Variants in GPR176 observed in about 807,000 individuals in gnomAD.
GPR176 encodes the protein G-protein coupled receptor 176.
Under a neutral mutation model 35.4 loss-of-function variants are expected in GPR176, and 26 were observed. The ratio of observed to expected loss-of-function variants is 0.74; its 90% CI spans 0.54 to 1.02. GPR176 has a LOEUF of 1.02. Among genes scored for constraint, GPR176 ranks in the 50% least tolerant of loss-of-function variants. The pLI, the probability that GPR176 is intolerant of heterozygous loss-of-function variation, is 0.00. For missense variants in GPR176, 597 were observed against 665.3 expected (o/e 0.90, Z 1.13); for synonymous variants, 278 against 271.3 (o/e 1.02, Z -0.24).
intron 1 of GPR176, among the ~76,000 whole-genome samples, chr15:39,816,313 C>T (rs1227557596): frequency 1.3e-5 from 2 of 151,988 alleles, no homozygotes; most frequent in Non-Finnish European, 2.9e-5. Context: ...CGAGATAATG[C>T]ACATGTCAAT....
rs866470766 is a variant in GPR176 at position 39,893,310 on chromosome 15, C to T, written c.172+26545G>A. On this transcript the variant is annotated intron_variant, in intron 1 of 2. Coordinates refer to ENST00000561100, the MANE Select transcript of GPR176 (RefSeq NM_007223.3). The stretch of plus-strand genomic sequence containing the variant: ...ATTAGGGAGTGGTGATGACTCTTAA[C>T]GAGCATGCTGCCTTCAAGCATCTGT... Among the ~76,000 whole-genome samples, 13 of 151,986 alleles carry T rather than the reference C, an allele frequency of 8.6e-5. No individual in the cohort carries two copies. In the South Asian group the frequency reaches 1.3e-3, roughly 15 times the overall value.
At chr15:39,842,104 C>A in intron 1 of GPR176, among the ~76,000 whole-genome samples, 1 of 152,046 alleles carries the variant, frequency 6.6e-6, no homozygotes, top group South Asian at 2.1e-4. Flanking sequence ...TTTATTAGTC[C>A]ATTCTCACAT....
At chr15:39,899,591 A>T (rs1286234780) in intron 1 of GPR176, among the ~76,000 whole-genome samples, 4 of 152,368 alleles carry the variant, frequency 2.6e-5, no homozygotes, top group Middle Eastern at 6.8e-3. Flanking sequence ...AGCAAAATGC[A>T]TATTGGTCAA....
chr15:39,890,309 A>C (rs1029000263), intron 1 of GPR176, among the ~76,000 whole-genome samples: 1 of 152,228 alleles, frequency 6.6e-6, no homozygotes, highest in African/African-American at 2.4e-5. Flanking sequence ...CTAATTTTCT[A>C]ATTCGGGTTT....
At chr15:39,835,276 C>T (rs781122692) in intron 1 of GPR176, among the ~76,000 whole-genome samples, 24 of 152,194 alleles carry the variant, frequency 1.6e-4, no homozygotes, top group Middle Eastern at 3.4e-3. Flanking sequence ...GGCTCGGCCT[C>T]CCAAGGTTCT....
intron 1 of GPR176, among the ~76,000 whole-genome samples, chr15:39,915,539 G>A (rs577957585): frequency 1.4e-4 from 21 of 152,176 alleles, no homozygotes; most frequent in Admixed American, 2.0e-4. Flanking sequence ...TACATTTTGC[G>A]GTCTAGCCAG....
At chr15:39,840,506 T>C (rs1036581342) in intron 1 of GPR176, among the ~76,000 whole-genome samples, 3 of 152,080 alleles carry the variant, frequency 2.0e-5, no homozygotes, top group African/African-American at 4.8e-5. Context: ...CGGGGAGGGA[T>C]AGCATTAGGA....
chr15:39,894,199 T>C (rs1430875010), intron 1 of GPR176, among the ~76,000 whole-genome samples: 1 of 104,012 alleles, frequency 9.6e-6, no homozygotes, highest in Non-Finnish European at 1.9e-5. Flanking sequence ...CACTTCCCAG[T>C]AGGGGTGGCC....
intron 1 of GPR176, among the ~76,000 whole-genome samples, chr15:39,817,748 T>C (rs1205644579): frequency 2.0e-5 from 3 of 152,168 alleles, no homozygotes; most frequent in Non-Finnish European, 4.4e-5. Flanking sequence ...ACAGAACTCC[T>C]CAGCGTAGAG....
intron 1 of GPR176, among the ~76,000 whole-genome samples, chr15:39,867,684 G>A (rs761149419): frequency 5.3e-5 from 8 of 152,134 alleles, no homozygotes; most frequent in Non-Finnish European, 8.8e-5. Context: ...TCCCCAAGAC[G>A]TGAGTAAACA....
At chr15:39,875,405 T>C (rs2032204546) in intron 1 of GPR176, among the ~76,000 whole-genome samples, 1 of 152,224 alleles carries the variant, frequency 6.6e-6, no homozygotes, top group Admixed American at 6.5e-5. Context: ...TACTTGTCTT[T>C]GCAGAATCCA....
intron 1 of GPR176, among the ~76,000 whole-genome samples, chr15:39,828,284 G>C (rs1266633445): frequency 6.6e-6 from 1 of 152,178 alleles, no homozygotes; most frequent in Non-Finnish European, 1.5e-5. Flanking sequence ...GTGTGGGAAA[G>C]GCAGGAGGAA....
intron 2 of GPR176, among the ~76,000 whole-genome samples, chr15:39,803,022 A>G (rs764923979): frequency 4.6e-5 from 7 of 152,200 alleles, no homozygotes; most frequent in Non-Finnish European, 1.0e-4. Context: ...AAGCACCTAA[A>G]CAGAATTCCA....
At chr15:39,910,999 C>G (rs909456350) in intron 1 of GPR176, among the ~76,000 whole-genome samples, 4 of 151,884 alleles carry the variant, frequency 2.6e-5, no homozygotes, top group Non-Finnish European at 4.4e-5. Flanking sequence ...GGTTGTACCA[C>G]TGCACTCCAG....
chr15:39,886,125 C>A (rs796956910), intron 1 of GPR176, among the ~76,000 whole-genome samples: 2 of 151,856 alleles, frequency 1.3e-5, no homozygotes, highest in African/African-American at 4.8e-5. Flanking sequence ...CCCAGCTACT[C>A]GGGAGGCTGG....
intron 1 of GPR176, among the ~76,000 whole-genome samples, chr15:39,890,481 G>A (rs1179570601): frequency 3.3e-5 from 5 of 152,218 alleles, no homozygotes; most frequent in Admixed American, 1.3e-4. Context: ...CGCCTTAGGC[G>A]CAGACCACTG....
At chr15:39,807,377 T>A in intron 1 of GPR176, 119 bp from the exon 2 acceptor site, 2 of 742,936 alleles carry the variant, frequency 2.7e-6, no homozygotes, top group Non-Finnish European at 4.0e-6. Flanking sequence ...TCAAAAGATT[T>A]AATGTAAATC....
intron 1 of GPR176, among the ~76,000 whole-genome samples, chr15:39,877,304 A>C (rs553621040): frequency 8.8e-4 from 134 of 151,994 alleles, no homozygotes; most frequent in African/African-American, 3.1e-3. Context: ...CTCTCCCCCA[A>C]CCCCAGCCAC....
chr15:39,868,826 G>A (rs78726107), intron 1 of GPR176, among the ~76,000 whole-genome samples: 5 of 152,246 alleles, frequency 3.3e-5, no homozygotes, highest in Non-Finnish European at 7.4e-5. Context: ...AGGGGCAGGA[G>A]CCAGGCCAGT....
Sources: gnomAD v4.1 joint callset for allele counts (sites outside exome capture counted in the v4.1 genomes callset) on GRCh38, gnomAD v4.1.1 for gene constraint, MANE v1.5 for transcripts, NCBI Gene and HGNC (gene_info 2026-07-23, HGNC 2026-07-21) for gene names.